The following LRGUK variants were observed in gnomAD, a reference collection of about 807,000 sequenced individuals.
LRGUK encodes leucine-rich repeat and guanylate kinase domain-containing protein.
LRGUK carries 65 observed loss-of-function variants against 76.0 expected under a neutral mutation model. The ratio of observed to expected loss-of-function variants is 0.85; its 90% CI spans 0.70 to 1.05. The LOEUF (loss-of-function observed/expected upper bound fraction) is 1.05, where lower values mean the gene tolerates loss of function less well. Ranked by LOEUF, LRGUK falls within the 50% of genes least tolerant of loss-of-function variation. The pLI is 0.00. For missense variants in LRGUK, 758 were observed against 732.8 expected, an observed-to-expected ratio of 1.03 and a Z score of -0.40; for synonymous variants, 268 against 265.6, an observed-to-expected ratio of 1.01 and a Z score of -0.09.
chr7:134,185,966 T>C (rs1799964631), intron 11 of LRGUK, among the ~76,000 whole-genome samples: 2 of 152,344 alleles, frequency 1.3e-5, no homozygotes, highest in African/African-American at 4.8e-5. Flanking sequence ...TTTCTGTGGA[T>C]GTACTGAACC....
chr7:134,180,122 CA>C (rs1799675395), intron 10 of LRGUK, among the ~76,000 whole-genome samples: 1 of 152,168 alleles, frequency 6.6e-6, no homozygotes, highest in Admixed American at 6.5e-5. Flanking sequence ...TGTCCTGTCC[CA>C]AATCTGGAAT....
intron 16 of LRGUK, among the ~76,000 whole-genome samples, chr7:134,241,619 C>A (rs1042815413): frequency 2.0e-5 from 3 of 152,120 alleles, no homozygotes; most frequent in Admixed American, 6.5e-5. Flanking sequence ...GACTTTAACA[C>A]CCTACTGTCA....
intron 18 of LRGUK, 120 bp from the exon 19 acceptor site, chr7:134,258,137 T>A: frequency 8.2e-7 from 1 of 1,219,644 alleles, no homozygotes; most frequent in Non-Finnish European, 1.2e-6. Flanking sequence ...ACAAGACATG[T>A]CCACTAACTA....
intron 15 of LRGUK, chr7:134,208,698 T>C (rs1332703630): frequency 2.5e-6 from 1 of 398,806 alleles, no homozygotes; most frequent in Admixed American, 4.4e-5. Flanking sequence ...TCTTTTTATA[T>C]TAAAGCAGGA....
intron 5 of LRGUK, among the ~76,000 whole-genome samples, chr7:134,150,539 A>G (rs914459180): frequency 6.6e-6 from 1 of 152,000 alleles, no homozygotes; most frequent in African/African-American, 2.4e-5. Flanking sequence ...AGCAGCCCCT[A>G]AACTCTTGCT....
At chr7:134,224,286 G>A (rs556090418) in intron 16 of LRGUK, among the ~76,000 whole-genome samples, 7 of 152,208 alleles carry the variant, frequency 4.6e-5, no homozygotes, top group Non-Finnish European at 8.8e-5. Context: ...TTTCCCAGGT[G>A]GGCTGTCCTG....
chr7:134,270,245 A>T, the LRGUK span, among the ~76,000 whole-genome samples: 1 of 152,220 alleles, frequency 6.6e-6, no homozygotes, highest in Non-Finnish European at 1.5e-5. Context: ...AGGTATCAAG[A>T]TTGATACAAA....
intron 16 of LRGUK, among the ~76,000 whole-genome samples, chr7:134,227,109 C>A (rs1319019594): frequency 6.7e-6 from 1 of 149,218 alleles, no homozygotes; most frequent in African/African-American, 2.6e-5. Context: ...TCTGGCCAGG[C>A]ATTAGGGGAG....
intron 14 of LRGUK, among the ~76,000 whole-genome samples, chr7:134,199,920 CTA>C (rs1194768780): frequency 3.2e-5 from 4 of 123,388 alleles, no homozygotes; most frequent in East Asian, 4.7e-4. Flanking sequence ...ATGAAAATTT[CTA>C]TATATATATG....
At chr7:134,180,757 C>T (rs776345029) in intron 10 of LRGUK, among the ~76,000 whole-genome samples, 3 of 152,132 alleles carry the variant, frequency 2.0e-5, no homozygotes, top group Non-Finnish European at 4.4e-5. Flanking sequence ...CAAAATTTGC[C>T]ACTTTAACAA....
intron 15 of LRGUK, among the ~76,000 whole-genome samples, chr7:134,204,723 T>G (rs931718957): frequency 3.3e-5 from 5 of 152,224 alleles, no homozygotes; most frequent in African/African-American, 4.8e-5. Flanking sequence ...CTAAGGAACA[T>G]GGTCCTTATT....
At chr7:134,259,749 T>C (rs966051831) in intron 19 of LRGUK, among the ~76,000 whole-genome samples, 2 of 152,130 alleles carry the variant, frequency 1.3e-5, no homozygotes, top group African/African-American at 2.4e-5. Context: ...CCAAATTCTC[T>C]TGGCCTTCAT....
intron 11 of LRGUK, among the ~76,000 whole-genome samples, chr7:134,187,189 A>G (rs2117035430): frequency 6.6e-6 from 1 of 152,298 alleles, no homozygotes; most frequent in Admixed American, 6.5e-5. Context: ...TTAAAAAAAA[A>G]AAACCAAAGC....
intron 6 of LRGUK, among the ~76,000 whole-genome samples, chr7:134,159,282 A>G (rs1798619530): frequency 6.6e-6 from 1 of 150,436 alleles, no homozygotes; most frequent in African/African-American, 2.4e-5. Context: ...GGCTGCAGTG[A>G]GTCACGATCA....
intron 4 of LRGUK, among the ~76,000 whole-genome samples, chr7:134,143,622 A>G (rs1563141012): frequency 6.6e-6 from 1 of 152,228 alleles, no homozygotes; most frequent in African/African-American, 2.4e-5. Context: ...AATCTGTAAA[A>G]ATGTCCTAGG....
intron 6 of LRGUK, among the ~76,000 whole-genome samples, chr7:134,159,433 T>C (rs1798627085): frequency 6.6e-6 from 1 of 152,082 alleles, no homozygotes. Flanking sequence ...TAACCATAGA[T>C]CACTGAAGAT....
rs929153208 is a variant in LRGUK at position 134,209,837 on chromosome 7, C to T, written c.2974C>T (p.Gln992Ter). 1 of 399,358 alleles carries T rather than the reference C, an allele frequency of 2.5e-6. No individual in the cohort carries two copies. The highest frequency in any genetic ancestry group is 1.3e-4 in the South Asian group (1 of 7,854). 24.7% of individuals were successfully genotyped at this position (399,358 alleles called of 1,614,324 possible). A position where few individuals can be genotyped will look rare whatever the true frequency, so the allele number is the denominator to read the frequency against. The stretch of plus-strand genomic sequence containing the variant: ...ACTCCCTCTTATCAGTCCCCCCAGC[C>T]AGGAGCAAGCAGAACCTCGCATCCT... Residue 992 changes from glutamine to a stop codon, truncating the protein, a stop_gained, in exon 16 of 16, where the codon CAG (glutamine) becomes TAG (stop). Transcript: ENST00000645682. LOFTEE classifies it low-confidence loss of function (END_TRUNC).
At chr7:134,162,541 C>A (rs1466920053) in intron 6 of LRGUK, among the ~76,000 whole-genome samples, 16 of 151,956 alleles carry the variant, frequency 1.1e-4, no homozygotes, top group Admixed American at 1.0e-3. Flanking sequence ...GAGGAGGGGA[C>A]CACGGCCAGG....
At position 134,221,920 on chromosome 7, in the gene LRGUK, T is replaced by A. The variant is rs1458028840; in HGVS notation, c.1983+2T>A. 2.5e-6 allele frequency: 4 copies of A among 1,588,758 alleles called. No individual in the cohort carries two copies. Among genetic ancestry groups the A allele is most frequent in the Non-Finnish European group, 3.4e-6 (4 of 1,170,492 alleles). On this transcript the variant is annotated splice_donor_variant, in intron 16 of 19. Coordinates refer to the LRGUK transcript ENST00000285928. LOFTEE classifies it high-confidence loss of function. ...CTTTCAGCCAAAAAAACACCAGCGG[T>A]AAGAGAGGAATAGAAGGGGTGAAGC...
Sources: gnomAD v4.1 joint callset for allele counts (sites outside exome capture counted in the v4.1 genomes callset) on GRCh38, gnomAD v4.1.1 for gene constraint, MANE v1.5 for transcripts, NCBI Gene and HGNC (gene_info 2026-07-23, HGNC 2026-07-21) for gene names.